IL1RAPL1: variants seen among roughly 807,000 people sequenced by gnomAD.
IL1RAPL1 encodes the protein interleukin 1 receptor accessory protein like 1.
Under a neutral mutation model 48.4 loss-of-function variants are expected in IL1RAPL1, and 3 were observed. The ratio of observed to expected loss-of-function variants is 0.06; its 90% CI spans 0.03 to 0.16. The LOEUF (loss-of-function observed/expected upper bound fraction) is 0.16, where lower values mean the gene tolerates loss of function less well. Ranked by LOEUF, IL1RAPL1 falls within the 10% of genes least tolerant of loss-of-function variation. The pLI is 1.00. For synonymous variants in IL1RAPL1, 185 were observed against 187.7 expected, an observed-to-expected ratio of 0.99 and a Z score of 0.12; for missense variants, 349 against 530.6, an observed-to-expected ratio of 0.66 and a Z score of 3.36.
At chrX:28,977,145 G>A (rs1925225288) in intron 2 of IL1RAPL1, among the ~76,000 whole-genome samples, 1 of 112,321 alleles carries the variant, frequency 8.9e-6, no homozygotes, top group Non-Finnish European at 1.9e-5. Flanking sequence ...GTGAAACTGA[G>A]GAATTGACCA....
chrX:28,725,040 C>CT (rs1340068828), intron 1 of IL1RAPL1, among the ~76,000 whole-genome samples: 1 of 106,985 alleles, frequency 9.3e-6, no homozygotes, highest in African/African-American at 3.4e-5. Context: ...CAAGCTCTGC[C>CT]TCCCGGGTTC....
intron 2 of IL1RAPL1, among the ~76,000 whole-genome samples, chrX:28,913,568 C>T (rs757591898): frequency 2.7e-5 from 3 of 110,887 alleles, no homozygotes; most frequent in East Asian, 2.8e-4. Flanking sequence ...AAAAATAATA[C>T]GTAGGCCAAC....
intron 1 of IL1RAPL1, among the ~76,000 whole-genome samples, chrX:28,704,039 A>G (rs1179632124): frequency 8.9e-6 from 1 of 111,780 alleles, no homozygotes; most frequent in African/African-American, 3.2e-5. Flanking sequence ...TGGATATCCA[A>G]AACCAATTAT....
chrX:28,775,284 G>C (rs1936351976), intron 1 of IL1RAPL1, among the ~76,000 whole-genome samples: 2 of 112,080 alleles, frequency 1.8e-5, no homozygotes, highest in Non-Finnish European at 3.8e-5. Flanking sequence ...CCATGCTCTC[G>C]CAGAAGTCTC....
In IL1RAPL1 at chrX:29,383,757, G is replaced by T. The variant is rs757781208; in HGVS notation, c.363-12501G>T. ...AACTGATATTAAAATTGTATATAAA[G>T]GAATGGAAAGGAAACCAACTGTGAA... is the stretch of plus-strand genomic sequence containing the variant. On this transcript the variant is annotated intron_variant, in intron 3 of 10. Transcript: ENST00000378993. Among the ~76,000 whole-genome samples the T allele has an allele frequency of 2.7e-5, 3 of 111,369 alleles. No individual in the cohort carries two copies. The South Asian group carries it at 1.1e-3, about 42-fold the overall frequency.
intron 2 of IL1RAPL1, among the ~76,000 whole-genome samples, chrX:28,917,867 A>G (rs749504970): frequency 8.9e-6 from 1 of 112,125 alleles, no homozygotes; most frequent in East Asian, 2.8e-4. Context: ...CCATGTATAG[A>G]ACTGAGCTAC....
At chrX:29,144,375 G>C (rs1166264839) in intron 2 of IL1RAPL1, among the ~76,000 whole-genome samples, 2 of 109,688 alleles carry the variant, frequency 1.8e-5, no homozygotes, top group African/African-American at 6.6e-5. Flanking sequence ...GGCCGAGGCA[G>C]GTGGATCACC....
At chrX:28,588,242 G>GTGTGTA (rs752625434) in intron 1 of IL1RAPL1, among the ~76,000 whole-genome samples, 195 bp downstream of exon 1, 1 of 100,101 alleles carries the variant, frequency 1.0e-5, no homozygotes, top group Admixed American at 1.1e-4. Flanking sequence ...GTGTGTGTGT[G>GTGTGTA]TGTGTATGTG....
At chrX:28,893,149 T>C (rs1173475241) in intron 2 of IL1RAPL1, among the ~76,000 whole-genome samples, 1 of 111,053 alleles carries the variant, frequency 9.0e-6, no homozygotes, top group Non-Finnish European at 1.9e-5. Flanking sequence ...GCAGTCTAAG[T>C]TGGTCTGGTG....
chrX:29,390,076 A>C (rs1437366655), intron 3 of IL1RAPL1, among the ~76,000 whole-genome samples: 4 of 112,868 alleles, frequency 3.5e-5, no homozygotes, highest in Non-Finnish European at 7.5e-5. Flanking sequence ...GAAGGCTTTA[A>C]GATTAGAAAT....
At position 28,925,694 on chromosome X, in the gene IL1RAPL1, G is replaced by A. The variant is rs376308714; in HGVS notation, c.82+136269G>A. 1.4e-3 allele frequency among the ~76,000 whole-genome samples: 159 copies of A among 111,651 alleles called. 2 individuals carry two copies. The highest frequency in any genetic ancestry group is 9.4e-3 in the Middle Eastern group (2 of 213). ...GTAAAGCACTTTGGGAGGCTGAGGC[G>A]GGCGGATCACAAGGTCAGGAGTTTG... On this transcript the variant is annotated intron_variant, in intron 2 of 10. Transcript: ENST00000378993.
intron 1 of IL1RAPL1, among the ~76,000 whole-genome samples, chrX:28,663,377 C>T (rs996935610): frequency 8.9e-6 from 1 of 112,051 alleles, no homozygotes; most frequent in African/African-American, 3.2e-5. Flanking sequence ...ACATTCTTTC[C>T]GGTCTGTGGA....
At chrX:29,747,436 AT>A (rs1186408880) in intron 6 of IL1RAPL1, among the ~76,000 whole-genome samples, 3 of 112,763 alleles carry the variant, frequency 2.7e-5, no homozygotes, top group African/African-American at 9.7e-5. Context: ...CCATGATGGC[AT>A]AAATAATGCA....
In IL1RAPL1 at chrX:29,932,801, A is replaced by C. The variant is rs1027814660; in HGVS notation, c.1058-8850A>C. Among the ~76,000 whole-genome samples, 52 of 112,050 alleles carry C rather than the reference A, an allele frequency of 4.6e-4. 1 individual carries two copies. Among genetic ancestry groups the C allele is most frequent in the African/African-American group, 1.6e-3 (49 of 30,846 alleles). ...TTATTATTTATTATTATCTGCTTACATGTCTGACTCTGAAACTAGACATGA... is the reference window on the plus strand; with the variant it reads ...TTATTATTTATTATTATCTGCTTACCTGTCTGACTCTGAAACTAGACATGA... On this transcript the variant is annotated intron_variant, in intron 8 of 10. Coordinates refer to ENST00000378993, the MANE Select transcript of IL1RAPL1 (RefSeq NM_014271.4).
intron 5 of IL1RAPL1, among the ~76,000 whole-genome samples, chrX:29,532,026 C>T (rs910296362): frequency 4.5e-5 from 5 of 111,617 alleles, no homozygotes; most frequent in Non-Finnish European, 9.4e-5. Context: ...CATATCTTCG[C>T]GGGGAGAGGG....
intron 2 of IL1RAPL1, among the ~76,000 whole-genome samples, chrX:28,912,474 T>C (rs1923385255): frequency 9.0e-6 from 1 of 110,609 alleles, no homozygotes; most frequent in African/African-American, 3.3e-5. Context: ...AGATGTTAAA[T>C]TAAGATAGAG....
intron 2 of IL1RAPL1, among the ~76,000 whole-genome samples, chrX:29,248,650 C>T (rs781092067): frequency 5.4e-5 from 6 of 111,734 alleles, no homozygotes; most frequent in Non-Finnish European, 9.4e-5. Context: ...TTTTACCCAT[C>T]GGATTAACAA....
chrX:29,802,805 A>ACATGTATG (rs1929975661), intron 6 of IL1RAPL1, among the ~76,000 whole-genome samples: 4 of 58,476 alleles, frequency 6.8e-5, no homozygotes, highest in Admixed American at 6.0e-4. Flanking sequence ...ATATATATAT[A>ACATGTATG]TATATGTGTG....
At chrX:29,506,208 A>G (rs766665239) in intron 5 of IL1RAPL1, among the ~76,000 whole-genome samples, 5 of 112,356 alleles carry the variant, frequency 4.5e-5, no homozygotes, top group Non-Finnish European at 9.4e-5. Flanking sequence ...GAGAGTTCAC[A>G]TATCACCATC....
Sources: gnomAD v4.1 joint callset for allele counts (sites outside exome capture counted in the v4.1 genomes callset) on GRCh38, gnomAD v4.1.1 for gene constraint, MANE v1.5 for transcripts, NCBI Gene and HGNC (gene_info 2026-07-23, HGNC 2026-07-21) for gene names.